CSMD1: variants seen among roughly 807,000 people sequenced by gnomAD.
CSMD1 encodes the protein CUB and sushi domain-containing protein 1.
CSMD1 carries 213 observed loss-of-function variants against 417.5 expected under a neutral mutation model. The ratio of observed to expected loss-of-function variants is 0.51; its 90% CI spans 0.46 to 0.57. CSMD1 has a LOEUF of 0.57. Among genes scored for constraint, CSMD1 ranks in the 20% least tolerant of loss-of-function variants. The pLI is 0.00. For missense variants in CSMD1, 6,923 were observed against 4,529.7 expected (o/e 1.53, Z -15.17); for synonymous variants, 2,862 against 1,736.8 (o/e 1.65, Z -16.11).
intron 7 of CSMD1, among the ~76,000 whole-genome samples, chr8:3,618,110 T>C (rs935663152): frequency 1.3e-5 from 2 of 152,008 alleles, no homozygotes; most frequent in African/African-American, 4.8e-5. Context: ...CAAGCGATAC[T>C]CCCGTCTCAG....
At chr8:4,775,239 G>C (rs1267951153) in intron 1 of CSMD1, among the ~76,000 whole-genome samples, 1 of 152,082 alleles carries the variant, frequency 6.6e-6, no homozygotes, top group Non-Finnish European at 1.5e-5. Flanking sequence ...AGGAAAAATA[G>C]AGCTTGAGGA....
intron 3 of CSMD1, among the ~76,000 whole-genome samples, chr8:4,057,521 G>C (rs973289453): frequency 6.6e-6 from 1 of 152,096 alleles, no homozygotes; most frequent in Non-Finnish European, 1.5e-5. Context: ...TTGCTGTGCA[G>C]AAGCTCTTTA....
At chr8:3,391,023 C>CCT (rs1251745774) in intron 17 of CSMD1, among the ~76,000 whole-genome samples, 1 of 152,126 alleles carries the variant, frequency 6.6e-6, no homozygotes, top group Non-Finnish European at 1.5e-5. Context: ...CTGCTTTTCT[C>CCT]CTCTCTCTCA....
At chr8:3,275,600 C>T (rs1361751735) in intron 26 of CSMD1, among the ~76,000 whole-genome samples, 1 of 152,086 alleles carries the variant, frequency 6.6e-6, no homozygotes, top group Non-Finnish European at 1.5e-5. Flanking sequence ...TCACATAGTC[C>T]CATATTTCTT....
At chr8:4,033,107 C>A (rs1202721490) in intron 3 of CSMD1, among the ~76,000 whole-genome samples, 1 of 132,560 alleles carries the variant, frequency 7.5e-6, no homozygotes, top group Admixed American at 8.6e-5. Context: ...AATAACTTAA[C>A]TCTTGCAATT....
At chr8:4,275,696 A>G (rs1010298389) in intron 3 of CSMD1, among the ~76,000 whole-genome samples, 5 of 152,188 alleles carry the variant, frequency 3.3e-5, no homozygotes, top group African/African-American at 1.2e-4. Flanking sequence ...TGTTTTAGTG[A>G]TAATACTCAG....
intron 2 of CSMD1, among the ~76,000 whole-genome samples, chr8:4,591,467 G>C (rs1466168808): frequency 1.3e-5 from 2 of 152,326 alleles, no homozygotes; most frequent in South Asian, 2.1e-4. Flanking sequence ...CAAATGAGCA[G>C]AGCTATCGAG....
chr8:4,001,777 C>A (rs1024644057), intron 4 of CSMD1, among the ~76,000 whole-genome samples: 1 of 151,740 alleles, frequency 6.6e-6, no homozygotes, highest in Non-Finnish European at 1.5e-5. Flanking sequence ...GCACTGACTG[C>A]AACAGACAAG....
chr8:4,306,156 G>C (rs972292894), intron 3 of CSMD1, among the ~76,000 whole-genome samples: 1 of 150,688 alleles, frequency 6.6e-6, no homozygotes, highest in South Asian at 2.1e-4. Context: ...AGAAGAAAGA[G>C]TACTGGTTTA....
intron 7 of CSMD1, among the ~76,000 whole-genome samples, chr8:3,632,442 G>C (rs556957993): frequency 6.6e-6 from 1 of 152,026 alleles, no homozygotes; most frequent in Non-Finnish European, 1.5e-5. Context: ...ATTTTTTAAT[G>C]AGAAAAACAC....
At chr8:4,568,031 G>C (rs566408271) in intron 2 of CSMD1, among the ~76,000 whole-genome samples, 1 of 152,280 alleles carries the variant, frequency 6.6e-6, no homozygotes, top group African/African-American at 2.4e-5. Context: ...ATTCTAAAAT[G>C]TGCTTATTGC....
rs1276208854 is a variant in CSMD1 at position 3,607,512 on chromosome 8, T to G, written c.1097+9198A>C. Among the ~76,000 whole-genome samples, 4 of 152,328 alleles carry G rather than the reference T, an allele frequency of 2.6e-5. No homozygotes were observed. The East Asian group carries it at 7.7e-4, about 29-fold the overall frequency. On this transcript the variant is annotated intron_variant, in intron 8 of 69. Coordinates refer to ENST00000635120, the MANE Select transcript of CSMD1 (RefSeq NM_033225.6). ...GCCTTTTCTGTGACTGGCAGCACAGTACATCTGTCTTACATCAAGACTGCC... is the reference window on the plus strand; with the variant it reads ...GCCTTTTCTGTGACTGGCAGCACAGGACATCTGTCTTACATCAAGACTGCC...
intron 10 of CSMD1, among the ~76,000 whole-genome samples, chr8:3,500,569 G>T (rs961494567): frequency 6.6e-6 from 1 of 152,146 alleles, no homozygotes; most frequent in African/African-American, 2.4e-5. Flanking sequence ...AATTGAGGAA[G>T]AAATGACAAA....
At chr8:3,603,456 C>T (rs952937522) in intron 8 of CSMD1, among the ~76,000 whole-genome samples, 5 of 152,130 alleles carry the variant, frequency 3.3e-5, no homozygotes, top group Admixed American at 6.5e-5. Context: ...CTGGACTGAG[C>T]GCCCAATCCC....
At chr8:4,418,805 T>C (rs983702909) in intron 3 of CSMD1, among the ~76,000 whole-genome samples, 5 of 152,158 alleles carry the variant, frequency 3.3e-5, no homozygotes, top group Non-Finnish European at 5.9e-5. Context: ...GATAGTAACG[T>C]ACTTAAAGGT....
chr8:4,920,333 A>G (rs992862799), intron 1 of CSMD1, among the ~76,000 whole-genome samples: 12 of 152,220 alleles, frequency 7.9e-5, no homozygotes, highest in African/African-American at 2.9e-4. Context: ...CACATAGGAA[A>G]ATTAGAATAT....
chr8:3,091,027 ATATT>A (rs1563328906), intron 48 of CSMD1, among the ~76,000 whole-genome samples: 3 of 152,112 alleles, frequency 2.0e-5, no homozygotes, highest in Non-Finnish European at 4.4e-5. Flanking sequence ...TATTAAACAT[ATATT>A]TATTATGTAT....
chr8:4,697,475 A>G (rs1349011863), intron 1 of CSMD1, among the ~76,000 whole-genome samples: 1 of 152,146 alleles, frequency 6.6e-6, no homozygotes, highest in Non-Finnish European at 1.5e-5. Context: ...TTTGGCAGCT[A>G]TTAGGTATAA....
At chr8:4,359,409 A>T (rs1046348612) in intron 3 of CSMD1, among the ~76,000 whole-genome samples, 7 of 152,238 alleles carry the variant, frequency 4.6e-5, no homozygotes, top group African/African-American at 1.7e-4. Flanking sequence ...TATTAACTAG[A>T]GAAGCTTTGT....
Sources: gnomAD v4.1 joint callset for allele counts (sites outside exome capture counted in the v4.1 genomes callset) on GRCh38, gnomAD v4.1.1 for gene constraint, MANE v1.5 for transcripts, NCBI Gene and HGNC (gene_info 2026-07-23, HGNC 2026-07-21) for gene names.